Variants in ENO4 observed in about 807,000 individuals in gnomAD.
ENO4 encodes the protein 2-phospho-D-glycerate hydro-lyase.
In ENO4, 53 loss-of-function variants were observed where a neutral mutation model predicts 63.2. The ratio of observed to expected loss-of-function variants is 0.84; its 90% confidence interval spans 0.67 to 1.05. ENO4 has a LOEUF of 1.05. Ranked by LOEUF, ENO4 falls within the 50% of genes least tolerant of loss-of-function variation. ENO4 has a pLI of 0.00. For missense variants in ENO4, 719 were observed against 772.0 expected (o/e 0.93, Z 0.81); for synonymous variants, 266 against 283.8 (o/e 0.94, Z 0.63).
chr10:116,860,727 TG>T, intron 4 of ENO4, 66 bp from the exon 5 acceptor site: 1 of 1,171,956 alleles, frequency 8.5e-7, no homozygotes, highest in Non-Finnish European at 1.1e-6. Context: ...TTCTTTTTCC[TG>T]GGTCTTTCCA....
Position 116,879,860 on chromosome 10 carries a change from CCCT to C in ENO4, c.1606-8_1606-6del. Reference sequence around the variant, plus strand: ...CTCCGTCTAAAATTAGTTTTTTCCCCCCTTTCAGGCTGTTGGGCTTGGTGTCCG... The same window carrying C: ...CTCCGTCTAAAATTAGTTTTTTCCCCTTCAGGCTGTTGGGCTTGGTGTCCG... On this transcript the variant is annotated splice_region_variant and splice_polypyrimidine_tract_variant and intron_variant, in intron 12 of 13. Coordinates refer to ENST00000341276, the MANE Select transcript of ENO4 (RefSeq NM_001242699.2). 6.5e-7 allele frequency: 1 copy of C among 1,544,542 alleles called. No homozygotes were observed. The highest frequency in any genetic ancestry group is 2.4e-5 in the East Asian group (1 of 40,848).
rs116947821 is a variant in ENO4 at position 116,910,720 on chromosome 10, A to C, written c.1195-779A>C. Reference sequence around the variant, plus strand: ...CACAACAAAAGAGACTGTCATAGGGAGTTCTCCTTAATAGAACACTGAATA... The same window carrying C: ...CACAACAAAAGAGACTGTCATAGGGCGTTCTCCTTAATAGAACACTGAATA... On this transcript the variant is annotated intron_variant, in intron 10 of 10. Coordinates refer to the ENO4 transcript ENST00000369207. 7.4e-3 allele frequency among the ~76,000 whole-genome samples: 1,133 copies of C among 152,332 alleles called. 5 individuals carry two copies. The highest frequency in any genetic ancestry group is 0.044 in the Middle Eastern group (13 of 294).
intron 13 of ENO4, 117 bp downstream of exon 13, chr10:116,880,103 A>T (rs1846962469): frequency 1.4e-6 from 1 of 689,808 alleles, no homozygotes. Flanking sequence ...GACCATACAT[A>T]AGTGCTGACA....
intron 6 of ENO4, among the ~76,000 whole-genome samples, chr10:116,861,753 T>C (rs532169533): frequency 7.2e-5 from 11 of 152,286 alleles, no homozygotes; most frequent in Admixed American, 6.5e-4. Flanking sequence ...TAGGAGATGC[T>C]TTGTAAAAAA....
Position 116,874,092 on chromosome 10 carries a change from A to T in ENO4, c.1232A>T (p.Glu411Val), listed in dbSNP as rs1317568721. The T allele has an allele frequency of 1.3e-6, 2 of 1,548,400 alleles. No homozygotes were observed. The highest frequency in any genetic ancestry group is 3.9e-5 in the Admixed American group (2 of 50,994). The change falls in exon 10 of 14, where the codon GAA (glutamate) becomes GTA (valine). Residue 411 changes from glutamate to valine, a missense_variant. Coordinates refer to ENST00000341276, the MANE Select transcript of ENO4 (RefSeq NM_001242699.2). ...ELMDYNKGKY[E>V]VIMGTYKNAA... ...ACATATCAGAATAAAGGAAAGTATGAAGTGATCATGGGCACATACAAAAAT... is the reference window on the plus strand; with the variant it reads ...ACATATCAGAATAAAGGAAAGTATGTAGTGATCATGGGCACATACAAAAAT...
intron 10 of ENO4, among the ~76,000 whole-genome samples, chr10:116,899,559 G>A (rs1293279914): frequency 2.0e-5 from 3 of 146,954 alleles, no homozygotes; most frequent in Admixed American, 1.4e-4. Context: ...GAGAGTGCAT[G>A]CATACATATG....
chr10:116,861,236 A>AAATAT (rs398014879), intron 6 of ENO4, 46 bp downstream of exon 6: 23 of 168,008 alleles, frequency 1.4e-4, no homozygotes, highest in Non-Finnish European at 1.9e-4. Context: ...AAAAAAAAAA[A>AAATAT]ATATATATAT....
At chr10:116,895,564 G>A (rs74743194) in intron 10 of ENO4, among the ~76,000 whole-genome samples, 1 of 152,156 alleles carries the variant, frequency 6.6e-6, no homozygotes, top group African/African-American at 2.4e-5. Context: ...AGGAAGACAT[G>A]AAACTACCTA....
At chr10:116,859,548 C>A (rs1339463062) in intron 4 of ENO4, among the ~76,000 whole-genome samples, 2 of 152,126 alleles carry the variant, frequency 1.3e-5, no homozygotes, top group East Asian at 1.9e-4. Context: ...GTAAAATAAA[C>A]ATTTTCTTTA....
At position 116,876,261 on chromosome 10, in the gene ENO4, G is replaced by A; in HGVS notation, c.1537+1G>A. The A allele has an allele frequency of 6.5e-7, 1 of 1,537,078 alleles. No homozygotes were observed. The highest frequency in any genetic ancestry group is 8.8e-7 in the Non-Finnish European group (1 of 1,141,464). ...GTGGAAATAACCAATCTGATTGACA[G>A]TGAGTAAAAGCATACATCTGAAAGA... On this transcript the variant is annotated splice_donor_variant, in intron 11 of 13. Coordinates refer to ENST00000341276, the MANE Select transcript of ENO4 (RefSeq NM_001242699.2). LOFTEE classifies it high-confidence loss of function.
intron 10 of ENO4, among the ~76,000 whole-genome samples, chr10:116,903,520 T>C (rs1847833473): frequency 6.6e-6 from 1 of 151,596 alleles, no homozygotes; most frequent in African/African-American, 2.4e-5. Context: ...AGAGACTTCA[T>C]CTCAGAGACA....
intron 10 of ENO4, among the ~76,000 whole-genome samples, chr10:116,896,009 A>G (rs1847504629): frequency 1.3e-5 from 2 of 152,222 alleles, no homozygotes; most frequent in Admixed American, 6.5e-5. Flanking sequence ...CATTACCGAT[A>G]GCCTCCATCT....
intron 10 of ENO4, among the ~76,000 whole-genome samples, chr10:116,906,929 A>T (rs1847992292): frequency 6.6e-6 from 1 of 152,226 alleles, no homozygotes; most frequent in Non-Finnish European, 1.5e-5. Flanking sequence ...GTGTTGGATC[A>T]TTTAAGAAGA....
chr10:116,879,773 G>A, intron 12 of ENO4, 96 bp from the exon 13 acceptor site: 1 of 943,126 alleles, frequency 1.1e-6, no homozygotes, highest in Non-Finnish European at 1.6e-6. Flanking sequence ...ATCCCAAACA[G>A]CACACTGTGA....
intron 1 of ENO4, among the ~76,000 whole-genome samples, chr10:116,852,936 C>T (rs1407716183): frequency 6.6e-6 from 1 of 152,146 alleles, no homozygotes; most frequent in Non-Finnish European, 1.5e-5. Flanking sequence ...AAGCCCCACC[C>T]AGATTACAGG....
intron 8 of ENO4, among the ~76,000 whole-genome samples, chr10:116,870,258 G>A (rs1263626501): frequency 3.3e-5 from 5 of 152,156 alleles, no homozygotes; most frequent in Admixed American, 1.3e-4. Context: ...AATTTATGGC[G>A]AGGGCACATC....
At chr10:116,869,739 C>T (rs1242123516) in intron 8 of ENO4, among the ~76,000 whole-genome samples, 4 of 151,068 alleles carry the variant, frequency 2.6e-5, no homozygotes, top group African/African-American at 9.8e-5. Context: ...CCAACATCAG[C>T]CTTCCCTGTA....
chr10:116,906,651 C>G (rs200045766), intron 10 of ENO4: 1 of 1,613,328 alleles, frequency 6.2e-7, no homozygotes, highest in South Asian at 1.1e-5. Flanking sequence ...TCTGCTGTCA[C>G]CTTTCTGCGA....
At chr10:116,877,551 G>C (rs998965119) in intron 11 of ENO4, among the ~76,000 whole-genome samples, 1 of 152,030 alleles carries the variant, frequency 6.6e-6, no homozygotes, top group African/African-American at 2.4e-5. Context: ...CTGAGGCAAG[G>C]GTAGGTTCAC....
Sources: gnomAD v4.1 joint callset for allele counts (sites outside exome capture counted in the v4.1 genomes callset) on GRCh38, gnomAD v4.1.1 for gene constraint, MANE v1.5 for transcripts, NCBI Gene and HGNC (gene_info 2026-07-23, HGNC 2026-07-21) for gene names.